The following TGFBR3 variants were observed in gnomAD, a reference collection of about 807,000 sequenced individuals.
The protein encoded by TGFBR3 is transforming growth factor beta receptor 3, also known as transforming growth factor beta receptor type 3.
In TGFBR3, 46 loss-of-function variants were observed where a neutral mutation model predicts 87.9. That is an observed-to-expected ratio of 0.52 (90% CI 0.41 to 0.67). TGFBR3 has a LOEUF of 0.67. TGFBR3 is among the 30% of genes least tolerant of loss of function. The probability of loss-of-function intolerance (pLI) is 0.00; values close to 1 mark genes in which losing one functional copy is unlikely to be tolerated. For synonymous variants in TGFBR3, 381 were observed against 391.6 expected (o/e 0.97, Z 0.32); for missense variants, 866 against 1,041.9 (o/e 0.83, Z 2.32).
chr1:91,818,343 A>G (rs1676322215), intron 2 of TGFBR3, among the ~76,000 whole-genome samples: 2 of 148,798 alleles, frequency 1.3e-5, no homozygotes, highest in Admixed American at 1.4e-4. Context: ...GGACAGCAGA[A>G]AAACTGCTGA....
At chr1:91,756,681 G>T (rs921850552) in intron 4 of TGFBR3, among the ~76,000 whole-genome samples, 1 of 152,108 alleles carries the variant, frequency 6.6e-6, no homozygotes, top group Non-Finnish European at 1.5e-5. Context: ...CCCAGAAAAG[G>T]CTACAATAAA....
chr1:91,680,570 A>G lies in TGFBR3; in HGVS notation c.*3169T>C, dbSNP rs1670874559. ...TCAGGCTCATTCAGGAAAAACCAGA[A>G]GAGAGAAGTATTGTATTTGGAAACT... is the stretch of plus-strand genomic sequence containing the variant. On this transcript the variant is annotated 3_prime_UTR_variant, in exon 17 of 17. Coordinates refer to ENST00000212355, the MANE Select transcript of TGFBR3 (RefSeq NM_003243.5). 2.2e-6 allele frequency: 1 copy of G among 453,984 alleles called. No individual in the cohort carries two copies. The highest frequency in any genetic ancestry group is 1.6e-5 in the South Asian group (1 of 64,482). 28.1% of individuals were successfully genotyped at this position (453,984 alleles called of 1,614,324 possible).
intron 13 of TGFBR3, among the ~76,000 whole-genome samples, chr1:91,711,153 C>A (rs995622340): frequency 3.3e-5 from 5 of 152,194 alleles, no homozygotes; most frequent in African/African-American, 1.2e-4. Context: ...AAGCCCCAAC[C>A]CTGATGGTGA....
intron 3 of TGFBR3, among the ~76,000 whole-genome samples, chr1:91,764,424 T>C (rs892843890): frequency 1.3e-5 from 2 of 150,684 alleles, no homozygotes; most frequent in African/African-American, 4.9e-5. Flanking sequence ...GGAACTAAAT[T>C]TGGGTTGGGG....
At chr1:91,902,521 G>A (rs1679748253) in intron 1 of TGFBR3, among the ~76,000 whole-genome samples, 1 of 151,828 alleles carries the variant, frequency 6.6e-6, no homozygotes, top group Admixed American at 6.6e-5. Context: ...GGGCTCAAGT[G>A]ATCTTCCTAC....
intron 5 of TGFBR3, among the ~76,000 whole-genome samples, chr1:91,732,838 C>A (rs1423814188): frequency 6.6e-6 from 1 of 152,144 alleles, no homozygotes; most frequent in Non-Finnish European, 1.5e-5. Flanking sequence ...AAGTGACAAC[C>A]CGTGGCTCTC....
Position 91,716,424 on chromosome 1 carries a change from T to C in TGFBR3, c.1708-30A>G, listed in dbSNP as rs1440931102. The stretch of plus-strand genomic sequence containing the variant: ...AAATAACAACCCACAGGAAGATTAA[T>C]GACAGTCATATGAAGGATGAAGGCC... On this transcript the variant is annotated intron_variant, in intron 11 of 16. Coordinates refer to ENST00000212355, the MANE Select transcript of TGFBR3 (RefSeq NM_003243.5). 5 of 1,614,188 alleles carry C rather than the reference T, an allele frequency of 3.1e-6. No individual in the cohort carries two copies. The South Asian group carries it at 3.3e-5, about 11-fold the overall frequency.
chr1:91,717,383 A>G (rs915439658), intron 10 of TGFBR3, among the ~76,000 whole-genome samples: 1 of 152,206 alleles, frequency 6.6e-6, no homozygotes, highest in African/African-American at 2.4e-5. Flanking sequence ...GTGGAAAAGA[A>G]TACGTTTTAT....
Position 91,683,719 on chromosome 1 carries a change from C to CTGGG in TGFBR3, c.*19_*20insCCCA. ...CTGAGCTGGGCTGGGCTGGGTTGGG[C>CTGGG]CGGGTTGGGCTGGGTTGGGCTAGGC... is the stretch of plus-strand genomic sequence containing the variant. On this transcript the variant is annotated 3_prime_UTR_variant, in exon 17 of 17. Coordinates refer to ENST00000212355, the MANE Select transcript of TGFBR3 (RefSeq NM_003243.5). 2.0e-6 allele frequency: 3 copies of CTGGG among 1,529,206 alleles called. No individual in the cohort carries two copies. Among genetic ancestry groups the CTGGG allele is most frequent in the East Asian group, 2.4e-5 (1 of 41,198 alleles). 94.7% of individuals were successfully genotyped at this position (1,529,206 alleles called of 1,614,324 possible). A position where few individuals can be genotyped will look rare whatever the true frequency, so the allele number is the denominator to read the frequency against.
At chr1:91,712,038 C>T (rs903910297) in intron 13 of TGFBR3, among the ~76,000 whole-genome samples, 5 of 152,100 alleles carry the variant, frequency 3.3e-5, no homozygotes, top group African/African-American at 1.2e-4. Flanking sequence ...CTAAGTAGCA[C>T]GCATGGAAAA....
intron 3 of TGFBR3, among the ~76,000 whole-genome samples, chr1:91,774,019 T>C (rs1267063969): frequency 6.6e-6 from 1 of 152,214 alleles, no homozygotes; most frequent in African/African-American, 2.4e-5. Context: ...AATAATGAAA[T>C]ACTCAAAGCT....
intron 2 of TGFBR3, among the ~76,000 whole-genome samples, chr1:91,840,795 A>C (rs1340115948): frequency 6.6e-6 from 1 of 150,556 alleles, no homozygotes; most frequent in East Asian, 1.9e-4. Flanking sequence ...TTGAACTAAC[A>C]GGTTCACTTT....
chr1:91,725,177 T>C (rs949176087), intron 7 of TGFBR3, among the ~76,000 whole-genome samples: 1 of 152,142 alleles, frequency 6.6e-6, no homozygotes, highest in Admixed American at 6.5e-5. Flanking sequence ...GCCTGGCTCT[T>C]TGCACCTCTT....
chr1:91,779,533 C>T (rs745848006), intron 3 of TGFBR3, among the ~76,000 whole-genome samples: 51 of 152,142 alleles, frequency 3.4e-4, no homozygotes, highest in Admixed American at 1.6e-3. Context: ...TGGGTCAGAC[C>T]GAAGGTGGTG....
At chr1:91,736,275 T>G (rs1018992417) in intron 4 of TGFBR3, among the ~76,000 whole-genome samples, 7 of 148,222 alleles carry the variant, frequency 4.7e-5, no homozygotes, top group Non-Finnish European at 8.9e-5. Context: ...TGTTTATAAC[T>G]GGCATCAGGA....
At position 91,885,866 on chromosome 1, in the gene TGFBR3, G is replaced by A. The variant is rs1382219203; in HGVS notation, c.-114+12C>T. On this transcript the variant is annotated intron_variant, in intron 1 of 16. Transcript: ENST00000212355. ...GCGGGCTGCAGCGCCGCGGGGCTGGGCCGGCACGTACCTCGGAGGCGGTGT... is the reference window on the plus strand; with the variant it reads ...GCGGGCTGCAGCGCCGCGGGGCTGGACCGGCACGTACCTCGGAGGCGGTGT... The A allele has an allele frequency of 2.7e-6, 1 of 365,228 alleles. No individual in the cohort carries two copies. The highest frequency in any genetic ancestry group is 8.9e-5 in the East Asian group (1 of 11,194). The allele number at this position is 365,228 out of a possible 1,614,324, so 22.6% of individuals were successfully genotyped here.
chr1:91,886,197 C>A, upstream of TGFBR3: 1 of 453,256 alleles, frequency 2.2e-6, no homozygotes, highest in Non-Finnish European at 4.4e-6. Context: ...CTCGCACACA[C>A]GCGGGCGGGG....
At chr1:91,726,284 G>C (rs1672546707) in intron 7 of TGFBR3, among the ~76,000 whole-genome samples, 1 of 152,130 alleles carries the variant, frequency 6.6e-6, no homozygotes, top group African/African-American at 2.4e-5. Context: ...TGTACCGTAT[G>C]TTTTTGCCTT....
At chr1:91,769,073 G>A (rs1674283403) in intron 3 of TGFBR3, among the ~76,000 whole-genome samples, 1 of 152,092 alleles carries the variant, frequency 6.6e-6, no homozygotes, top group African/African-American at 2.4e-5. Flanking sequence ...CTAGGGCCTC[G>A]AGGATGTTAA....
Sources: allele counts gnomAD v4.1 joint callset (sites outside exome capture counted in the v4.1 genomes callset), GRCh38; gene constraint gnomAD v4.1.1; transcripts MANE v1.5; gene names NCBI Gene and HGNC (gene_info 2026-07-23, HGNC 2026-07-21).